The following NBPF10 variants were observed in gnomAD, a reference collection of about 807,000 sequenced individuals.
The protein encoded by NBPF10 is NBPF member 10.
A neutral mutation model predicts 77.9 loss-of-function variants in NBPF10; 63 were observed. That is an observed-to-expected ratio of 0.81 (90% confidence interval 0.66 to 1.00). The LOEUF is 1.00. NBPF10 is among the 50% of genes least tolerant of loss of function. The probability of loss-of-function intolerance (pLI) is 0.00; values close to 1 mark genes in which losing one functional copy is unlikely to be tolerated. For missense variants in NBPF10, 522 were observed against 679.8 expected, an observed-to-expected ratio of 0.77 and a Z score of 2.58; for synonymous variants, 146 against 264.5, an observed-to-expected ratio of 0.55 and a Z score of 4.35.
At chr1:146,125,339 G>A (rs1327406914) in intron 15 of NBPF10, 126 bp downstream of exon 15, 8,549 of 273,130 alleles carry the variant, frequency 0.031, 341 homozygotes, top group Middle Eastern at 0.058. Context: ...AAAACCAACA[G>A]CAATGTCAGT....
chr1:146,142,853 C>G lies in NBPF10; in HGVS notation c.176-101G>C, dbSNP rs797031791. On this transcript the variant is annotated intron_variant, in intron 1 of 89. Transcript: ENST00000583866. Reference sequence around the variant, plus strand: ...CCAGGTCCATCCCAAGGACAAAACTCTCCCCAGTACCAGGGTCTAGACAGG... The same window carrying G: ...CCAGGTCCATCCCAAGGACAAAACTGTCCCCAGTACCAGGGTCTAGACAGG... 2.9e-5 allele frequency: 18 copies of G among 613,598 alleles called. 2 individuals are homozygous for G. Among genetic ancestry groups the G allele is most frequent in the Non-Finnish European group, 5.2e-5 (18 of 348,388 alleles). 38.0% of individuals were successfully genotyped at this position (613,598 alleles called of 1,614,324 possible). A position where few individuals can be genotyped will look rare whatever the true frequency, so the allele number is the denominator to read the frequency against.
exon 86 of NBPF10, chr1:146,069,565 A>T: frequency 1.8e-6 from 2 of 1,135,914 alleles, no homozygotes; most frequent in East Asian, 2.4e-5. Flanking sequence ...CAGCCAAGCC[A>T]ACACGCTGTT....
intron 5 of NBPF10, among the ~76,000 whole-genome samples, chr1:146,139,214 C>A (rs1439033191): frequency 4.8e-4 from 72 of 148,788 alleles, no homozygotes; most frequent in African/African-American, 1.6e-3. Flanking sequence ...ATTCTCCTGC[C>A]TCAGCCTCCT....
At chr1:146,066,540 T>G (rs782040652) in exon 90 of NBPF10, 3 of 702,800 alleles carry the variant, frequency 4.3e-6, no homozygotes, top group South Asian at 3.9e-5. Flanking sequence ...GCTCTTCCAC[T>G]TCCATCAGCA....
At chr1:146,142,254 C>T (rs868977689) in intron 2 of NBPF10, among the ~76,000 whole-genome samples, 1 of 111,724 alleles carries the variant, frequency 9.0e-6, no homozygotes, top group African/African-American at 3.0e-5. Context: ...AGGACAGGGT[C>T]GAGGAGGCAA....
chr1:146,125,059 G>GGA (rs371475271), intron 15 of NBPF10, among the ~76,000 whole-genome samples, 199 bp from the exon 16 acceptor site: 862 of 69,280 alleles, frequency 0.012, 5 homozygotes, highest in Non-Finnish European at 0.016. Context: ...ACAGGGAGAG[G>GGA]GAGAGAGAGA....
In NBPF10 at chr1:146,141,786, C is replaced by T. The variant is rs782327738; in HGVS notation, c.311G>A (p.Arg104Gln). 6.0e-6 allele frequency: 8 copies of T among 1,342,194 alleles called. 2 individuals are homozygous for T. Among genetic ancestry groups the T allele is most frequent in the African/African-American group, 5.7e-5 (4 of 70,052 alleles). The allele number at this position is 1,342,194 out of a possible 1,614,324, so 83.1% of individuals were successfully genotyped here. The change falls in exon 3 of 90, where the codon CGA (arginine) becomes CAA (glutamine). Residue 104 changes from arginine (R) to glutamine (Q), a missense_variant. By Grantham distance (43) the Arg-to-Gln change is conservative (BLOSUM62 1). This residue lies in a region of NBPF10 where 71 missense variants were observed against 114.9 expected (regional missense o/e 0.62). Transcript: ENST00000583866. ...CTTCTCCCTTAGCTGGGTCAGCTCT[C>T]GTTCCTGAGAGTGAACTAGGACTTT...
chr1:146,139,642 C>CA (rs1264793107), intron 5 of NBPF10, among the ~76,000 whole-genome samples, 167 bp downstream of exon 5: 11 of 113,546 alleles, frequency 9.7e-5, no homozygotes, highest in Non-Finnish European at 2.0e-5. Context: ...GTCATCGTCC[C>CA]ACTTGGGCCT....
chr1:146,069,389 A>G (rs1553779248), intron 86 of NBPF10, among the ~76,000 whole-genome samples, 154 bp downstream of exon 86: 2 of 91,860 alleles, frequency 2.2e-5, no homozygotes, highest in Admixed American at 1.1e-4. Flanking sequence ...TGGGCTTCCA[A>G]GTGGAACTAG....
chr1:146,073,022 G>A (rs1553780060), intron 81 of NBPF10, 121 bp from the exon 82 acceptor site: 1 of 193,092 alleles, frequency 5.2e-6, no homozygotes, highest in Non-Finnish European at 9.3e-6. Flanking sequence ...ATCCATTAAT[G>A]AGGTAATGAA....
exon 14 of NBPF10, chr1:146,126,263 G>A (rs200450624): frequency 7.5e-6 from 12 of 1,608,488 alleles, no homozygotes; most frequent in East Asian, 4.5e-5. Flanking sequence ...AAGCCAACAC[G>A]CTGTTGCTCC....
At chr1:146,081,030 C>G (rs200594113) in intron 71 of NBPF10, among the ~76,000 whole-genome samples, 3,656 of 34,900 alleles carry the variant, frequency 0.1, 63 homozygotes, top group African/African-American at 0.12. Flanking sequence ...CACACACACA[C>G]AGAGAGAGAG....
chr1:146,139,124 G>C (rs1233763036), intron 5 of NBPF10, among the ~76,000 whole-genome samples: 1 of 125,744 alleles, frequency 8.0e-6, no homozygotes, highest in African/African-American at 2.9e-5. Context: ...TTTTGAGATG[G>C]AGTCTCGCTC....
chr1:146,139,098 T>C (rs1660011824), intron 5 of NBPF10, among the ~76,000 whole-genome samples: 3 of 32,576 alleles, frequency 9.2e-5, no homozygotes, highest in Non-Finnish European at 2.5e-4. Flanking sequence ...CTTACTTTTT[T>C]TTTTTTTTTT....
rs201134964 is a variant in NBPF10 at position 146,134,195 on chromosome 1, G to A, written c.1377C>T (p.Pro459=). The A allele has an allele frequency of 8.3e-3, 11,360 of 1,376,698 alleles. 2,310 individuals carry two copies. Among genetic ancestry groups the A allele is most frequent in the Non-Finnish European group, 9.7e-3 (9,782 of 1,011,430 alleles). The allele number at this position is 1,376,698 out of a possible 1,614,324, so 85.3% of individuals were successfully genotyped here. The change falls in exon 9 of 90, where the codon CCC becomes CCT. Residue 459 remains proline (P), a splice_region_variant and synonymous_variant. Coordinates refer to ENST00000583866, the Ensembl canonical transcript of NBPF10. ...TGTTCCTGAGTATTCAGTGTTACCTGGGGGCAGATGATTTCTGCACTTTCT... is the reference window on the plus strand; with the variant it reads ...TGTTCCTGAGTATTCAGTGTTACCTAGGGGCAGATGATTTCTGCACTTTCT...
intron 71 of NBPF10, among the ~76,000 whole-genome samples, chr1:146,081,046 G>C (rs1553781522): frequency 1.8e-5 from 1 of 55,530 alleles, no homozygotes; most frequent in East Asian, 3.9e-4. Context: ...GAGAGAGAGA[G>C]AACGAGCTCA....
At chr1:146,069,376 G>A (rs1233419776) in intron 86 of NBPF10, among the ~76,000 whole-genome samples, 167 bp downstream of exon 86, 2 of 86,888 alleles carry the variant, frequency 2.3e-5, no homozygotes. Flanking sequence ...CCCATCCCTT[G>A]TCTGGGCTTC....
rs373272379 is a variant in NBPF10 at position 146,125,819 on chromosome 1, G to T, written c.2027-303C>A. Among the ~76,000 whole-genome samples, 33 of 149,214 alleles carry T rather than the reference G, an allele frequency of 2.2e-4. 2 individuals carry two copies. In the East Asian group the frequency reaches 5.3e-3, roughly 24 times the overall value. On this transcript the variant is annotated intron_variant, in intron 14 of 89. Coordinates refer to ENST00000583866, the Ensembl canonical transcript of NBPF10. ...GATTTAAAGCAAATGCCCCCAAATG[G>T]TTGCTAGGAGAAAAACTGCACTATT...
At chr1:146,114,955 TG>T (rs1657810379) in intron 28 of NBPF10, among the ~76,000 whole-genome samples, 1 of 83,540 alleles carries the variant, frequency 1.2e-5, no homozygotes, top group African/African-American at 5.3e-5. Context: ...CATACTTCTG[TG>T]AATTTTTTAC....
Sources: gnomAD v4.1 joint callset for allele counts (sites outside exome capture counted in the v4.1 genomes callset) on GRCh38, gnomAD v4.1.1 for gene constraint, gnomAD v4.1.1 regional missense constraint, MANE v1.5 for transcripts, NCBI Gene and HGNC (gene_info 2026-07-23, HGNC 2026-07-21) for gene names.